CCDC144A: variants seen among roughly 807,000 people sequenced by gnomAD.
The protein encoded by CCDC144A is coiled-coil domain containing 144A, also known as coiled-coil domain-containing protein 144A.
CCDC144A carries 41 observed loss-of-function variants against 143.8 expected under a neutral mutation model. The ratio of observed to expected loss-of-function variants is 0.29; its 90% CI spans 0.22 to 0.37. The LOEUF is 0.37. CCDC144A is among the 10% of genes least tolerant of loss of function. The pLI, the probability that CCDC144A is intolerant of heterozygous loss-of-function variation, is 1.00. For missense variants in CCDC144A, 637 were observed against 1,488.8 expected, an observed-to-expected ratio of 0.43 and a Z score of 9.41; for synonymous variants, 242 against 517.9, an observed-to-expected ratio of 0.47 and a Z score of 7.23.
chr17:16,771,846 T>A (rs1915833018), intron 15 of CCDC144A, 131 bp from the exon 16 acceptor site: 1 of 694,138 alleles, frequency 1.4e-6, no homozygotes, highest in Non-Finnish European at 2.4e-6. Context: ...ATGATATTTT[T>A]AATTTAAGCA....
the CCDC144A span, chr17:16,684,015 T>C: frequency 1.1e-6 from 1 of 947,364 alleles, no homozygotes; most frequent in Non-Finnish European, 1.7e-6. Flanking sequence ...AGAGCGGAAA[T>C]TCATGCAGCC....
At chr17:16,704,527 T>G (rs1911935075) in intron 2 of CCDC144A, among the ~76,000 whole-genome samples, 2 of 152,050 alleles carry the variant, frequency 1.3e-5, no homozygotes, top group Admixed American at 1.3e-4. Context: ...ATTTTTGTTA[T>G]GTATTCCTTT....
At chr17:16,715,748 G>A (rs531593378) in intron 6 of CCDC144A, among the ~76,000 whole-genome samples, 1 of 152,218 alleles carries the variant, frequency 6.6e-6, no homozygotes, top group Non-Finnish European at 1.5e-5. Context: ...ATAGGGTTGC[G>A]GGAGGAGCGG....
intron 15 of CCDC144A, among the ~76,000 whole-genome samples, chr17:16,767,607 A>C (rs557921480): frequency 1.3e-5 from 2 of 152,342 alleles, no homozygotes; most frequent in Admixed American, 6.5e-5. Flanking sequence ...TCAAAAGCAA[A>C]ATGTTAAAAA....
At position 16,724,787 on chromosome 17, in the gene CCDC144A, A is replaced by ATTTTTTTTTTTTTTTTTTT. The variant is rs760344292; in HGVS notation, c.1892-2722_1892-2704dup. On this transcript the variant is annotated intron_variant, in intron 8 of 16. Coordinates refer to ENST00000399273, the MANE Select transcript of CCDC144A (RefSeq NM_001382000.1). Reference sequence around the variant, plus strand: ...AGATTACACGTTCTTGATTAACTGAATTTTTTTTTTTTTTTTTTTTTTTTT... The same window carrying ATTTTTTTTTTTTTTTTTTT: ...AGATTACACGTTCTTGATTAACTGAATTTTTTTTTTTTTTTTTTTTTTTTTTTTTTTTTTTTTTTTTTTT... 1.4e-4 allele frequency among the ~76,000 whole-genome samples: 5 copies of ATTTTTTTTTTTTTTTTTTT among 35,110 alleles called. 2 individuals are homozygous for ATTTTTTTTTTTTTTTTTTT. The highest frequency in any genetic ancestry group is 4.8e-4 in the Admixed American group (1 of 2,094). The allele number at this position is 35,110 out of a possible 152,430, so 23.0% of individuals were successfully genotyped here.
At chr17:16,749,374 AT>A (rs1914681322) in intron 12 of CCDC144A, among the ~76,000 whole-genome samples, 1 of 152,052 alleles carries the variant, frequency 6.6e-6, no homozygotes, top group Non-Finnish European at 1.5e-5. Flanking sequence ...CAGTTGTTTG[AT>A]TTCCATGTAA....
chr17:16,683,509 G>A, the CCDC144A span: 2 of 1,515,116 alleles, frequency 1.3e-6, no homozygotes, highest in African/African-American at 1.4e-5. Flanking sequence ...CGCGGGTTCG[G>A]GATGTTCTAT....
At chr17:16,695,834 A>C (rs2621647) in intron 2 of CCDC144A, among the ~76,000 whole-genome samples, 106 of 152,018 alleles carry the variant, frequency 7.0e-4, no homozygotes, top group Middle Eastern at 3.4e-3. Flanking sequence ...TAGAACTTTT[A>C]TAGGTAAAGA....
At chr17:16,750,021 T>G (rs545063706) in intron 12 of CCDC144A, among the ~76,000 whole-genome samples, 17 of 152,226 alleles carry the variant, frequency 1.1e-4, no homozygotes, top group Non-Finnish European at 1.0e-4. Flanking sequence ...CTGTTGATTC[T>G]TATTGGTTTG....
chr17:16,714,140 C>A (rs1812177712), intron 6 of CCDC144A, among the ~76,000 whole-genome samples: 1 of 152,168 alleles, frequency 6.6e-6, no homozygotes, highest in Non-Finnish European at 1.5e-5. Context: ...TCCAGTCCAT[C>A]TGTCATAGTC....
chr17:16,668,801 A>G, the CCDC144A span, among the ~76,000 whole-genome samples: 4 of 152,226 alleles, frequency 2.6e-5, no homozygotes, highest in Non-Finnish European at 4.4e-5. Context: ...TGGGAAGTCT[A>G]TGACCAAGAC....
At chr17:16,736,358 C>T (rs1436835501) in intron 12 of CCDC144A, among the ~76,000 whole-genome samples, 1 of 151,748 alleles carries the variant, frequency 6.6e-6, no homozygotes, top group Non-Finnish European at 1.5e-5. Flanking sequence ...GTGATCCGCC[C>T]GCCTTGGCCT....
chr17:16,686,033 C>T (rs1317206277), upstream of CCDC144A, among the ~76,000 whole-genome samples: 3 of 150,692 alleles, frequency 2.0e-5, no homozygotes, highest in African/African-American at 7.3e-5. Flanking sequence ...CCACCTGCCT[C>T]AGCCTCCCAA....
chr17:16,773,328 C>T (rs372228689), intron 16 of CCDC144A, among the ~76,000 whole-genome samples, 169 bp from the exon 17 acceptor site: 46 of 152,202 alleles, frequency 3.0e-4, no homozygotes, highest in Middle Eastern at 6.8e-3. Context: ...CTCATGCCTG[C>T]AGTTCCAAGT....
intron 6 of CCDC144A, among the ~76,000 whole-genome samples, chr17:16,719,969 G>A (rs1338509620): frequency 6.6e-6 from 1 of 152,080 alleles, no homozygotes; most frequent in Non-Finnish European, 1.5e-5. Context: ...AATTAAATTA[G>A]TAGTAGTAAA....
At chr17:16,733,105 A>G (rs1913823740) in intron 11 of CCDC144A, among the ~76,000 whole-genome samples, 1 of 151,848 alleles carries the variant, frequency 6.6e-6, no homozygotes, top group Non-Finnish European at 1.5e-5. Context: ...CGTACTTCAG[A>G]TGCCGTTTCC....
chr17:16,682,125 T>A, the CCDC144A span, among the ~76,000 whole-genome samples: 1 of 151,684 alleles, frequency 6.6e-6, no homozygotes, highest in Non-Finnish European at 1.5e-5. Flanking sequence ...GAAGGTGAAT[T>A]TGAAAACACC....
chr17:16,764,657 C>T, intron 15 of CCDC144A: 1 of 182,782 alleles, frequency 5.5e-6, no homozygotes, highest in Non-Finnish European at 1.1e-5. Flanking sequence ...AAGGTGAATA[C>T]TTTTATATGT....
the CCDC144A span, among the ~76,000 whole-genome samples, chr17:16,671,472 T>G: frequency 6.6e-6 from 1 of 152,198 alleles, no homozygotes; most frequent in South Asian, 2.1e-4. Flanking sequence ...AATAATTACC[T>G]TAGTAGTACT....
Sources: allele counts gnomAD v4.1 joint callset (sites outside exome capture counted in the v4.1 genomes callset), GRCh38; gene constraint gnomAD v4.1.1; transcripts MANE v1.5; gene names NCBI Gene and HGNC (gene_info 2026-07-23, HGNC 2026-07-21).